Variants in ASH1L observed in about 807,000 individuals in gnomAD.
ASH1L encodes ASH1 like histone lysine methyltransferase.
Under a neutral mutation model 269.0 loss-of-function variants are expected in ASH1L, and 23 were observed. The observed-to-expected ratio is 0.09, with a 90% confidence interval of 0.06 to 0.12. The LOEUF (loss-of-function observed/expected upper bound fraction) is 0.12. Ranked by LOEUF, ASH1L falls within the 10% of genes least tolerant of loss-of-function variation. ASH1L has a pLI of 1.00. For missense variants in ASH1L, 2,912 were observed against 3,567.8 expected (o/e 0.82, Z 4.68); for synonymous variants, 1,187 against 1,253.5 (o/e 0.95, Z 1.12).
At chr1:155,464,597 T>C (rs1293753621) in intron 3 of ASH1L, among the ~76,000 whole-genome samples, 4 of 151,652 alleles carry the variant, frequency 2.6e-5, no homozygotes, top group Non-Finnish European at 4.4e-5. Flanking sequence ...TTTTCTTCCG[T>C]TGGAAATAAA....
At chr1:155,373,983 A>C (rs896604723) in intron 10 of ASH1L, among the ~76,000 whole-genome samples, 2 of 152,184 alleles carry the variant, frequency 1.3e-5, no homozygotes, top group Non-Finnish European at 2.9e-5. Flanking sequence ...CATGACTAAA[A>C]CAAGGAATGA....
intron 3 of ASH1L, among the ~76,000 whole-genome samples, chr1:155,467,614 A>G (rs971692235): frequency 6.6e-6 from 1 of 152,188 alleles, no homozygotes; most frequent in African/African-American, 2.4e-5. Flanking sequence ...TTTTGAAACA[A>G]GGAGAGAAGG....
At position 155,517,793 on chromosome 1, in the gene ASH1L, C is replaced by CTTTTTT. The variant is rs780065449; in HGVS notation, c.420+3301_420+3306dup. On this transcript the variant is annotated intron_variant, in intron 2 of 27. Transcript: ENST00000392403. ...CTCTCACATATATGGCCAATAATTT[C>CTTTTTT]TTTTTTTTTTTTTTTTTTTTTTTTT... 8.2e-4 allele frequency among the ~76,000 whole-genome samples: 58 copies of CTTTTTT among 70,948 alleles called. 1 individual carries two copies. Among genetic ancestry groups the CTTTTTT allele is most frequent in the Non-Finnish European group, 1.1e-3 (45 of 39,838 alleles). The allele number at this position is 70,948 out of a possible 152,430, so 46.5% of individuals were successfully genotyped here.
At chr1:155,556,507 T>G (rs1671602812) in intron 1 of ASH1L, among the ~76,000 whole-genome samples, 1 of 151,634 alleles carries the variant, frequency 6.6e-6, no homozygotes, top group African/African-American at 2.4e-5. Context: ...TGCAGTGGCG[T>G]GATCTCAGCT....
chr1:155,419,470 T>G (rs1196024552), intron 5 of ASH1L: 2 of 152,104 alleles, frequency 1.3e-5, no homozygotes, highest in African/African-American at 4.8e-5. Flanking sequence ...GCAAGAATGA[T>G]ATGCAAACTT....
intron 3 of ASH1L, among the ~76,000 whole-genome samples, chr1:155,463,839 C>T (rs1479892848): frequency 1.3e-5 from 2 of 151,840 alleles, no homozygotes; most frequent in Non-Finnish European, 2.9e-5. Context: ...TGAGTTATAC[C>T]CAGTAGGGAG....
At chr1:155,487,022 G>A (rs1035348097) in intron 2 of ASH1L, among the ~76,000 whole-genome samples, 14 of 152,048 alleles carry the variant, frequency 9.2e-5, no homozygotes, top group Admixed American at 2.0e-4. Context: ...AAAATTAGCC[G>A]GGTGTGGTAG....
In ASH1L at chr1:155,459,826, C is replaced by A; in HGVS notation, c.5057G>T (p.Arg1686Met). 6.2e-7 allele frequency: 1 copy of A among 1,613,370 alleles called. No individual in the cohort carries two copies. The highest frequency in any genetic ancestry group is 1.1e-5 in the South Asian group (1 of 90,972). ...ESTNCSPTRK[R>M]SSSESTSSTV... ...TGAAGAAGTACTCTCAGATGAAGAC[C>A]TTTTCCGGGTAGGGCTACAATTTGT... The change falls in exon 4 of 28, where the codon AGG becomes ATG. Residue 1686 changes from arginine to methionine, a missense_variant. By Grantham distance (91) the Arg-to-Met change is moderately conservative. Transcript: ENST00000392403.
intron 2 of ASH1L, among the ~76,000 whole-genome samples, chr1:155,483,538 C>A (rs943357213): frequency 6.6e-6 from 1 of 151,886 alleles, no homozygotes; most frequent in Non-Finnish European, 1.5e-5. Flanking sequence ...AATTCAAGCA[C>A]GTATGAAAAT....
At chr1:155,410,791 A>G (rs1461252316) in intron 6 of ASH1L, among the ~76,000 whole-genome samples, 1 of 150,978 alleles carries the variant, frequency 6.6e-6, no homozygotes, top group East Asian at 1.9e-4. Context: ...TTTTTAGTAG[A>G]GACAAGGTCT....
intron 1 of ASH1L, among the ~76,000 whole-genome samples, chr1:155,528,684 G>C (rs1669439713): frequency 6.6e-6 from 1 of 152,088 alleles, no homozygotes; most frequent in African/African-American, 2.4e-5. Flanking sequence ...TTAACTCAAA[G>C]TCCATTGATT....
At chr1:155,353,359 T>C (rs962442442) in intron 16 of ASH1L, among the ~76,000 whole-genome samples, 3 of 152,236 alleles carry the variant, frequency 2.0e-5, no homozygotes, top group African/African-American at 7.2e-5. Flanking sequence ...CTAGTTAGGA[T>C]ATAACTTCAA....
intron 3 of ASH1L, among the ~76,000 whole-genome samples, chr1:155,466,179 C>T (rs1015190548): frequency 8.6e-5 from 13 of 151,960 alleles, no homozygotes; most frequent in Non-Finnish European, 1.5e-4. Context: ...ACGGTGAAAC[C>T]CCGTCTCTAC....
rs75253727 is a variant in ASH1L at position 155,441,291 on chromosome 1, A to G, written c.5087-2223T>C. Among the ~76,000 whole-genome samples, 78 of 150,980 alleles carry G rather than the reference A, an allele frequency of 5.2e-4. 1 individual carries two copies. The East Asian group carries it at 0.014, about 28-fold the overall frequency. ...TTAGAAAAGGTCTGTCTCTCTCTCT[A>G]TCTCCACCCCCCACTCCCACCCCGG... On this transcript the variant is annotated intron_variant, in intron 4 of 27. Coordinates refer to ENST00000392403, the MANE Select transcript of ASH1L (RefSeq NM_018489.3).
chr1:155,378,192 A>G (rs1453142829), intron 10 of ASH1L, 89 bp downstream of exon 10: 3 of 964,742 alleles, frequency 3.1e-6, no homozygotes, highest in African/African-American at 1.6e-5. Flanking sequence ...GAAAAAAATC[A>G]AAGAGCCTAT....
At chr1:155,401,977 C>G (rs1449790267) in intron 6 of ASH1L, among the ~76,000 whole-genome samples, 1 of 151,844 alleles carries the variant, frequency 6.6e-6, no homozygotes, top group Non-Finnish European at 1.5e-5. Context: ...GTTATCTCAG[C>G]TACTTGAGAG....
intron 10 of ASH1L, among the ~76,000 whole-genome samples, chr1:155,377,666 C>T (rs1251773329): frequency 2.0e-5 from 3 of 152,104 alleles, no homozygotes; most frequent in African/African-American, 7.2e-5. Flanking sequence ...ACAAACCCTC[C>T]ATAGAGAAGG....
chr1:155,470,677 G>A (rs1242937159), intron 3 of ASH1L, among the ~76,000 whole-genome samples: 4 of 150,146 alleles, frequency 2.7e-5, no homozygotes, highest in Non-Finnish European at 5.9e-5. Flanking sequence ...TCAGCCTCCC[G>A]AGTAGCTGGG....
At chr1:155,429,418 G>A (rs140338584) in intron 5 of ASH1L, among the ~76,000 whole-genome samples, 88 of 152,084 alleles carry the variant, frequency 5.8e-4, no homozygotes, top group East Asian at 3.9e-3. Context: ...GACTACAGGC[G>A]TGTGCTACCA....
Sources: allele counts gnomAD v4.1 joint callset (sites outside exome capture counted in the v4.1 genomes callset), GRCh38; gene constraint gnomAD v4.1.1; transcripts MANE v1.5; gene names NCBI Gene and HGNC (gene_info 2026-07-23, HGNC 2026-07-21).